Variants in KIF16B observed in about 807,000 individuals in gnomAD.
The protein encoded by KIF16B is kinesin family member 16B.
KIF16B carries 98 observed loss-of-function variants against 156.3 expected under a neutral mutation model. The ratio of observed to expected loss-of-function variants is 0.63; its 90% CI spans 0.53 to 0.74. The LOEUF (loss-of-function observed/expected upper bound fraction) is 0.74, where lower values mean the gene tolerates loss of function less well. KIF16B is among the 30% of genes least tolerant of loss of function. The pLI, the probability that KIF16B is intolerant of heterozygous loss-of-function variation, is 0.00. For synonymous variants in KIF16B, 564 were observed against 583.7 expected, an observed-to-expected ratio of 0.97 and a Z score of 0.49; for missense variants, 1,421 against 1,606.5, an observed-to-expected ratio of 0.88 and a Z score of 1.97.
chr20:16,534,496 G>A (rs1217212596), intron 1 of KIF16B, among the ~76,000 whole-genome samples: 1 of 152,178 alleles, frequency 6.6e-6, no homozygotes, highest in Non-Finnish European at 1.5e-5. Context: ...CTTTTGCTGT[G>A]TAAATGTTTT....
At chr20:16,410,299 A>ATATG (rs557203007) in intron 15 of KIF16B, among the ~76,000 whole-genome samples, 3 of 141,508 alleles carry the variant, frequency 2.1e-5, no homozygotes, top group African/African-American at 7.9e-5. Context: ...CTACATATAT[A>ATATG]TGTGTGTGTG....
intron 12 of KIF16B, among the ~76,000 whole-genome samples, chr20:16,492,437 C>T (rs1177963940): frequency 6.6e-6 from 1 of 152,152 alleles, no homozygotes; most frequent in African/African-American, 2.4e-5. Context: ...AAGGGAAAAA[C>T]ATTGAAATAG....
intron 23 of KIF16B, among the ~76,000 whole-genome samples, chr20:16,354,477 TAC>T (rs10567864): frequency 0.32 from 46,944 of 148,472 alleles, 7,634 homozygotes; most frequent in East Asian, 0.6. Context: ...AATGGAATTC[TAC>T]ACACACACAC....
intron 24 of KIF16B, among the ~76,000 whole-genome samples, chr20:16,325,410 C>T (rs2063830158): frequency 6.6e-6 from 1 of 151,972 alleles, no homozygotes; most frequent in Non-Finnish European, 1.5e-5. Context: ...ACCCTGAAGA[C>T]TCATCCAAAA....
Position 16,420,429 on chromosome 20 carries a change from G to T in KIF16B, c.1612+6675C>A, listed in dbSNP as rs184110273. Among the ~76,000 whole-genome samples the T allele has an allele frequency of 9.3e-4, 141 of 152,164 alleles. No homozygotes were observed. The East Asian group carries it at 0.025, about 27-fold the overall frequency. On this transcript the variant is annotated intron_variant, in intron 15 of 25. Transcript: ENST00000354981. The stretch of plus-strand genomic sequence containing the variant: ...GTAATTACTACCAGTGTTTTTTAAT[G>T]GGACAGCCTAAATAACACATTTACA...
At chr20:16,468,212 T>C (rs1370582516) in intron 12 of KIF16B, among the ~76,000 whole-genome samples, 38 of 152,048 alleles carry the variant, frequency 2.5e-4, no homozygotes, top group Non-Finnish European at 7.4e-5. Flanking sequence ...CAAAAGAAAG[T>C]AGGAGTAGCT....
At chr20:16,474,229 C>T (rs1040261702) in intron 12 of KIF16B, among the ~76,000 whole-genome samples, 2 of 152,196 alleles carry the variant, frequency 1.3e-5, no homozygotes, top group African/African-American at 2.4e-5. Context: ...ACCACGCCCC[C>T]CTTTGTGACC....
At chr20:16,291,258 T>C (rs967122439) in intron 25 of KIF16B, among the ~76,000 whole-genome samples, 1 of 152,250 alleles carries the variant, frequency 6.6e-6, no homozygotes, top group African/African-American at 2.4e-5. Flanking sequence ...GAAGAAAGTC[T>C]ATCAAATCTT....
At chr20:16,421,245 G>A (rs1239141108) in intron 15 of KIF16B, among the ~76,000 whole-genome samples, 1 of 152,084 alleles carries the variant, frequency 6.6e-6, no homozygotes, top group Non-Finnish European at 1.5e-5. Context: ...AGATTTCAAA[G>A]AATAAAAATG....
In KIF16B at chr20:16,544,284, A is replaced by G. The variant is rs6044099; in HGVS notation, c.48-15844T>C. Among the ~76,000 whole-genome samples the G allele has an allele frequency of 2.6e-5, 4 of 151,994 alleles. No individual in the cohort carries two copies. In the South Asian group the frequency reaches 6.2e-4, roughly 24 times the overall value. ...CCTTCTGCCTGGAATGTACCTATCT[A>G]ATCCAAGTGACTTATCCTTCAAAGC... On this transcript the variant is annotated intron_variant, in intron 1 of 25. Transcript: ENST00000354981.
chr20:16,297,764 C>A (rs868539790), intron 25 of KIF16B, among the ~76,000 whole-genome samples: 1 of 151,876 alleles, frequency 6.6e-6, no homozygotes, highest in Non-Finnish European at 1.5e-5. Flanking sequence ...CATCACTGGT[C>A]CCCAGGTCTC....
chr20:16,451,497 C>T (rs1280883649), intron 12 of KIF16B, among the ~76,000 whole-genome samples: 3 of 151,478 alleles, frequency 2.0e-5, no homozygotes, highest in Admixed American at 2.0e-4. Context: ...GATCACTATG[C>T]CATTTGCATT....
chr20:16,334,694 G>A (rs1216045235), intron 24 of KIF16B, among the ~76,000 whole-genome samples: 1 of 152,086 alleles, frequency 6.6e-6, no homozygotes, highest in Non-Finnish European at 1.5e-5. Flanking sequence ...TGAGTACCTT[G>A]AGATCTGATT....
intron 12 of KIF16B, among the ~76,000 whole-genome samples, chr20:16,467,697 C>G (rs4814502): frequency 0.41 from 61,482 of 150,130 alleles, 12,572 homozygotes; most frequent in South Asian, 0.46. Context: ...TAGAGTGAAA[C>G]ATTTAAAGTT....
intron 15 of KIF16B, among the ~76,000 whole-genome samples, chr20:16,423,770 C>A (rs1424092149): frequency 6.6e-6 from 1 of 152,098 alleles, no homozygotes; most frequent in Admixed American, 6.6e-5. Flanking sequence ...AGCAGCAGGA[C>A]CTCTATCTGA....
intron 25 of KIF16B, among the ~76,000 whole-genome samples, chr20:16,311,537 C>CT (rs1448978544): frequency 2.6e-5 from 4 of 152,120 alleles, no homozygotes; most frequent in Non-Finnish European, 5.9e-5. Context: ...AAGGGGAACT[C>CT]TGAGAGTCTC....
At chr20:16,513,848 T>A (rs2069046354) in intron 4 of KIF16B, among the ~76,000 whole-genome samples, 1 of 151,990 alleles carries the variant, frequency 6.6e-6, no homozygotes, top group Admixed American at 6.6e-5. Flanking sequence ...ATAGTAAAAA[T>A]CAGGCAAAAT....
In KIF16B at chr20:16,335,948, G is replaced by A. The variant is rs1477229477; in HGVS notation, c.3689C>T (p.Thr1230Ile). 4 of 1,511,006 alleles carry A rather than the reference G, an allele frequency of 2.6e-6. No individual in the cohort carries two copies. In the Admixed American group the frequency reaches 5.2e-5, roughly 20 times the overall value. 93.6% of individuals were successfully genotyped at this position (1,511,006 alleles called of 1,614,324 possible). The change falls in exon 24 of 26, where the codon ACA becomes ATA. Residue 1230 changes from threonine (T) to isoleucine (I), a missense_variant. By Grantham distance (89) the Thr-to-Ile change is moderately conservative. Transcript: ENST00000354981. ...TACCTCTGCATACTTTAACTTCAATGTTTTATGCATTTCTCGAAAACGACT... is the reference window on the plus strand; with the variant it reads ...TACCTCTGCATACTTTAACTTCAATATTTTATGCATTTCTCGAAAACGACT... ...RYSRFREMHK[T>I]LKLKYAELAA...
intron 22 of KIF16B, among the ~76,000 whole-genome samples, chr20:16,364,317 G>T (rs2064611948): frequency 6.6e-6 from 1 of 152,164 alleles, no homozygotes; most frequent in South Asian, 2.1e-4. Context: ...TATTCAAAGA[G>T]CTATTGTCTA....
Sources: allele counts gnomAD v4.1 joint callset (sites outside exome capture counted in the v4.1 genomes callset), GRCh38; gene constraint gnomAD v4.1.1; transcripts MANE v1.5; gene names NCBI Gene and HGNC (gene_info 2026-07-23, HGNC 2026-07-21).